ATP6V0D1: variants seen among roughly 807,000 people sequenced by gnomAD.
ATP6V0D1 encodes the protein ATPase H+ transporting V0 subunit d1, also known as V-type proton ATPase subunit d 1.
A neutral mutation model predicts 39.0 loss-of-function variants in ATP6V0D1; 13 were observed. The ratio of observed to expected loss-of-function variants is 0.33; its 90% confidence interval spans 0.22 to 0.53. The LOEUF is 0.53. Ranked by LOEUF, ATP6V0D1 falls within the 20% of genes least tolerant of loss-of-function variation. ATP6V0D1 has a pLI of 0.94. For synonymous variants in ATP6V0D1, 191 were observed against 191.2 expected (o/e 1.00, Z 0.01); for missense variants, 272 against 470.9 (o/e 0.58, Z 3.91).
At chr16:67,461,925 C>T (rs929509718) in intron 1 of ATP6V0D1, among the ~76,000 whole-genome samples, 4 of 152,184 alleles carry the variant, frequency 2.6e-5, no homozygotes, top group Non-Finnish European at 5.9e-5. Context: ...CATTTAATTA[C>T]CCTCATACTC....
intron 1 of ATP6V0D1, among the ~76,000 whole-genome samples, chr16:67,475,366 G>A (rs1221495179): frequency 6.6e-6 from 1 of 152,208 alleles, no homozygotes; most frequent in Non-Finnish European, 1.5e-5. Flanking sequence ...ATTGTCTCTT[G>A]TGAAATAATG....
intron 2 of ATP6V0D1, among the ~76,000 whole-genome samples, chr16:67,450,169 C>G (rs969401027): frequency 6.6e-6 from 1 of 152,322 alleles, no homozygotes; most frequent in South Asian, 2.1e-4. Context: ...TATTCCTCTG[C>G]GTTTTCTAGG....
At chr16:67,463,216 C>A (rs776135181) in intron 1 of ATP6V0D1, among the ~76,000 whole-genome samples, 10 of 152,156 alleles carry the variant, frequency 6.6e-5, no homozygotes, top group Admixed American at 1.3e-4. Flanking sequence ...AGCATAAAGT[C>A]CCATTCCCTG....
intron 1 of ATP6V0D1, among the ~76,000 whole-genome samples, chr16:67,478,866 G>A (rs980604208): frequency 2.6e-5 from 4 of 152,084 alleles, no homozygotes; most frequent in Admixed American, 6.6e-5. Flanking sequence ...ACAGGAGAGC[G>A]GACAGCAGCA....
chr16:67,472,063 C>G (rs372702253), intron 1 of ATP6V0D1, among the ~76,000 whole-genome samples: 20 of 152,290 alleles, frequency 1.3e-4, no homozygotes, highest in East Asian at 3.9e-4. Context: ...AAACCTCCCC[C>G]CTGCCTAGCC....
chr16:67,460,041 G>T (rs1332739736), intron 1 of ATP6V0D1, among the ~76,000 whole-genome samples: 1 of 152,236 alleles, frequency 6.6e-6, no homozygotes, highest in Non-Finnish European at 1.5e-5. Flanking sequence ...CTCCTGGGGA[G>T]CTCAGGGGTT....
At chr16:67,467,394 A>G (rs2041339065) in intron 1 of ATP6V0D1, among the ~76,000 whole-genome samples, 1 of 152,148 alleles carries the variant, frequency 6.6e-6, no homozygotes, top group Non-Finnish European at 1.5e-5. Flanking sequence ...AATCCCAGTT[A>G]CTTGGGAGGC....
intron 1 of ATP6V0D1, among the ~76,000 whole-genome samples, chr16:67,467,663 G>C (rs766481920): frequency 6.6e-6 from 1 of 152,166 alleles, no homozygotes; most frequent in South Asian, 2.1e-4. Flanking sequence ...ACAGCTGTCC[G>C]GAAGGGAGCC....
intron 3 of ATP6V0D1, among the ~76,000 whole-genome samples, chr16:67,443,595 C>T (rs373024024): frequency 1.3e-3 from 203 of 152,340 alleles, no homozygotes; most frequent in Admixed American, 3.1e-3. Context: ...GGAAAACCAG[C>T]CTCCTCCTTA....
chr16:67,465,783 G>A (rs566896108), intron 1 of ATP6V0D1, among the ~76,000 whole-genome samples: 11 of 152,308 alleles, frequency 7.2e-5, no homozygotes, highest in African/African-American at 2.6e-4. Flanking sequence ...ACAGACAGGA[G>A]ACACTAAGCG....
Position 67,481,139 on chromosome 16 carries a change from G to C in ATP6V0D1, c.-53C>G. On this transcript the variant is annotated 5_prime_UTR_variant, in exon 1 of 8. Transcript: ENST00000290949. ...GAACCAGGACCGGCCGGCACGAATC[G>C]CGACTCCCCAGGTCAGCTGACGCTG... 2.5e-6 allele frequency: 4 copies of C among 1,609,434 alleles called. No homozygotes were observed. The South Asian group carries it at 4.4e-5, about 18-fold the overall frequency.
At chr16:67,476,746 C>T (rs2041417651) in intron 1 of ATP6V0D1, among the ~76,000 whole-genome samples, 1 of 152,036 alleles carries the variant, frequency 6.6e-6, no homozygotes, top group Non-Finnish European at 1.5e-5. Context: ...AATAGAGGTA[C>T]AAACATTGGC....
chr16:67,466,694 G>C (rs1484433217), intron 1 of ATP6V0D1, among the ~76,000 whole-genome samples: 1 of 152,040 alleles, frequency 6.6e-6, no homozygotes, highest in Non-Finnish European at 1.5e-5. Context: ...AAAATCAGCT[G>C]GGCGTCGTGG....
chr16:67,463,193 C>CTCA (rs1476653890), intron 1 of ATP6V0D1, among the ~76,000 whole-genome samples: 6 of 152,196 alleles, frequency 3.9e-5, no homozygotes, highest in African/African-American at 1.4e-4. Flanking sequence ...GGGCTGTGAG[C>CTCA]TCATGCACTG....
intron 1 of ATP6V0D1, among the ~76,000 whole-genome samples, chr16:67,479,519 G>A (rs2041446018): frequency 6.6e-6 from 1 of 151,968 alleles, no homozygotes; most frequent in Admixed American, 6.6e-5. Flanking sequence ...GGCCTGTACT[G>A]CAGATTTACA....
At position 67,444,809 on chromosome 16, in the gene ATP6V0D1, A is replaced by C; in HGVS notation, c.303-103T>G. Reference sequence around the variant, plus strand: ...CGCCTGCACAGGCCATCACCCCTTAACAATGTATGCTGACTCATGGGTGCT... The same window carrying C: ...CGCCTGCACAGGCCATCACCCCTTACCAATGTATGCTGACTCATGGGTGCT... On this transcript the variant is annotated intron_variant, in intron 2 of 7. Coordinates refer to ENST00000290949, the MANE Select transcript of ATP6V0D1 (RefSeq NM_004691.5). The surrounding 1 kb of genome is among the most constrained non-coding windows in gnomAD (Gnocchi z 4.8). 1 of 1,091,772 alleles carries C rather than the reference A, an allele frequency of 9.2e-7. No individual in the cohort carries two copies. The highest frequency in any genetic ancestry group is 1.3e-6 in the Non-Finnish European group (1 of 779,092). The allele number at this position is 1,091,772 out of a possible 1,614,324, so 67.6% of individuals were successfully genotyped here. A position where few individuals can be genotyped will look rare whatever the true frequency, so the allele number is the denominator to read the frequency against.
At chr16:67,443,722 TCA>T (rs1442315981) in intron 3 of ATP6V0D1, among the ~76,000 whole-genome samples, 11 of 152,112 alleles carry the variant, frequency 7.2e-5, no homozygotes, top group African/African-American at 2.7e-4. Context: ...GCCTGCAGAC[TCA>T]CTGGTCTATC....
At position 67,481,055 on chromosome 16, in the gene ATP6V0D1, A is replaced by C. The variant is rs2041470862; in HGVS notation, c.32T>G (p.Val11Gly). The change falls in exon 1 of 8, where the codon GTG (valine) becomes GGG (glycine). Residue 11 changes from valine to glycine, a missense_variant. Transcript: ENST00000290949. MSFFPELYFNVDNGYLEGLVR... is the reference protein window; with the variant it reads MSFFPELYFNGDNGYLEGLVR... Reference sequence around the variant, plus strand: ...CAGTCCCTCCAAGTAGCCATTGTCCACGTTAAAGTAAAGCTCCGGGAAGAA... The same window carrying C: ...CAGTCCCTCCAAGTAGCCATTGTCCCCGTTAAAGTAAAGCTCCGGGAAGAA... 6.2e-7 allele frequency: 1 copy of C among 1,614,044 alleles called. No individual in the cohort carries two copies. Among genetic ancestry groups the C allele is most frequent in the Non-Finnish European group, 8.5e-7 (1 of 1,179,992 alleles).
rs2041241212 is a variant in ATP6V0D1 at position 67,456,729 on chromosome 16, C to T, written c.131-3014G>A. On this transcript the variant is annotated intron_variant, in intron 1 of 7. Coordinates refer to ENST00000290949, the MANE Select transcript of ATP6V0D1 (RefSeq NM_004691.5). This position sits in a 1 kb window ranked among gnomAD's most constrained non-coding sequence, Gnocchi z 4.1. ...CCGGGCCAGATGTACAGGGTGAGCT[C>T]CAGAGAAAAACTCAGTCCTTTGGGT... 2 of 152,274 alleles carry T rather than the reference C, an allele frequency of 1.3e-5. No individual in the cohort carries two copies. The highest frequency in any genetic ancestry group is 4.8e-5 in the African/African-American group (2 of 41,460). The allele number at this position is 152,274 out of a possible 1,614,324, so 9.4% of individuals were successfully genotyped here. A position where few individuals can be genotyped will look rare whatever the true frequency, so the allele number is the denominator to read the frequency against.
Sources: gnomAD v4.1 joint callset for allele counts (sites outside exome capture counted in the v4.1 genomes callset) on GRCh38, gnomAD v4.1.1 for gene constraint, Gnocchi (gnomAD v3.1) non-coding constraint, MANE v1.5 for transcripts, NCBI Gene and HGNC (gene_info 2026-07-23, HGNC 2026-07-21) for gene names.